Variants in SYNE2 observed in about 807,000 individuals in gnomAD.
SYNE2 encodes the protein nesprin-2.
SYNE2 carries 431 observed loss-of-function variants against 856.3 expected under a neutral mutation model. That is an observed-to-expected ratio of 0.50 (90% CI 0.47 to 0.55). The LOEUF is 0.55. Among genes scored for constraint, SYNE2 ranks in the 20% least tolerant of loss-of-function variants. The pLI is 0.00. For missense variants in SYNE2, 8,129 were observed against 8,023.2 expected, an observed-to-expected ratio of 1.01 and a Z score of -0.50; for synonymous variants, 2,923 against 2,872.3, an observed-to-expected ratio of 1.02 and a Z score of -0.56.
intron 108 of SYNE2, among the ~76,000 whole-genome samples, chr14:64,217,224 G>A (rs752666794): frequency 4.6e-5 from 7 of 152,208 alleles, no homozygotes; most frequent in Non-Finnish European, 8.8e-5. Flanking sequence ...TAAGATTATT[G>A]TGTATAAAGG....
In SYNE2 at chr14:64,052,786, A is replaced by T. The variant is rs201443135; in HGVS notation, c.8873A>T (p.Glu2958Val). Residue 2958 changes from glutamate (E) to valine (V), a missense_variant, in exon 48 of 116, where the codon GAG becomes GTG. Physicochemically the swap from Glu to Val is moderately radical, Grantham distance 121 (BLOSUM62 -2). This residue lies in a region of SYNE2 where 5,410 missense variants were observed against 5,284.8 expected (regional missense o/e 1.02). Transcript: ENST00000555002. ...GAAAAAACATCAGCGCTTCAGGAGGAGGCTGACAGTATACAGCGCAATGAA... is the reference window on the plus strand; with the variant it reads ...GAAAAAACATCAGCGCTTCAGGAGGTGGCTGACAGTATACAGCGCAATGAA... ...FHEKTSALQEEADSIQRNELL... is the reference protein window; with the variant it reads ...FHEKTSALQEVADSIQRNELL... 3 of 1,612,408 alleles carry T rather than the reference A, an allele frequency of 1.9e-6. No individual in the cohort carries two copies. Among genetic ancestry groups the T allele is most frequent in the Non-Finnish European group, 2.5e-6 (3 of 1,179,318 alleles).
chr14:64,140,209 TCTTCAAAC>T, intron 80 of SYNE2, 136 bp downstream of exon 80: 1 of 798,218 alleles, frequency 1.3e-6, no homozygotes, highest in Non-Finnish European at 2.1e-6. Context: ...GCAGCTGTGT[TCTTCAAAC>T]CTAGAACTGT....
At chr14:63,862,791 T>TG (rs1254086892) in intron 1 of SYNE2, among the ~76,000 whole-genome samples, 2 of 151,910 alleles carry the variant, frequency 1.3e-5, no homozygotes, top group African/African-American at 4.8e-5. Flanking sequence ...AGTTTTGTTT[T>TG]TTTTTTGTTT....
chr14:64,136,319 G>A (rs965823867), intron 78 of SYNE2, among the ~76,000 whole-genome samples: 1 of 151,398 alleles, frequency 6.6e-6, no homozygotes, highest in Non-Finnish European at 1.5e-5. Context: ...AAAAATTGGG[G>A]GGTGAATTAA....
At chr14:64,186,887 C>T (rs2098494221) in intron 97 of SYNE2, among the ~76,000 whole-genome samples, 2 of 152,128 alleles carry the variant, frequency 1.3e-5, no homozygotes, top group Admixed American at 6.6e-5. Flanking sequence ...GTGTAGGTGG[C>T]AAGTCCTAAT....
chr14:64,080,463 G>A lies in SYNE2; in HGVS notation c.11171G>A (p.Trp3724Ter). Residue 3724 changes from tryptophan to a stop codon, truncating the protein, a stop_gained, in exon 56 of 116, where the codon TGG becomes TAG. Coordinates refer to ENST00000555002, the MANE Select transcript of SYNE2 (RefSeq NM_182914.3). LOFTEE classifies it high-confidence loss of function. Reference sequence around the variant, plus strand: ...TACGATTTCCTTCTCCAGAAAATGTGGGACGAGTTAGATCTATGGCATTCC... The same window carrying A: ...TACGATTTCCTTCTCCAGAAAATGTAGGACGAGTTAGATCTATGGCATTCC... ...EKAQEIQKKM[W>*]DELDLWHSKL... 1 of 1,614,126 alleles carries A rather than the reference G, an allele frequency of 6.2e-7. No homozygotes were observed. The highest frequency in any genetic ancestry group is 1.3e-5 in the African/African-American group (1 of 75,032).
intron 30 of SYNE2, among the ~76,000 whole-genome samples, chr14:64,004,831 C>T (rs947266776): frequency 6.6e-6 from 1 of 152,184 alleles, no homozygotes; most frequent in Non-Finnish European, 1.5e-5. Context: ...CATGCGATTG[C>T]ACCACTGCCC....
chr14:63,966,864 G>A (rs2096400123), intron 10 of SYNE2, among the ~76,000 whole-genome samples: 1 of 151,534 alleles, frequency 6.6e-6, no homozygotes, highest in South Asian at 2.1e-4. Context: ...CTGGCCAGTT[G>A]ATAACTCTTT....
intron 45 of SYNE2, among the ~76,000 whole-genome samples, chr14:64,037,913 G>T (rs146142869): frequency 0.077 from 11,637 of 150,888 alleles, 581 homozygotes; most frequent in African/African-American, 0.14. Flanking sequence ...CCTCCCTCCC[G>T]GACCGGGCGG....
intron 30 of SYNE2, among the ~76,000 whole-genome samples, chr14:64,004,324 G>GTTGTTTTTTGTTTGT (rs1295106354): frequency 6.6e-6 from 1 of 151,156 alleles, no homozygotes; most frequent in Non-Finnish European, 1.5e-5. Context: ...GTGAGCCACC[G>GTTGTTTTTTGTTTGT]TTGTTTTTTT....
intron 1 of SYNE2, among the ~76,000 whole-genome samples, chr14:63,900,756 A>G (rs768408862): frequency 3.3e-5 from 5 of 152,200 alleles, no homozygotes; most frequent in Non-Finnish European, 5.9e-5. Context: ...CTTCTAGTCA[A>G]ATGATGATTA....
chr14:63,813,932 G>A (rs1888719623), intron 1 of SYNE2, among the ~76,000 whole-genome samples: 2 of 151,992 alleles, frequency 1.3e-5, no homozygotes, highest in African/African-American at 4.8e-5. Context: ...GCACGTACCT[G>A]TAGTAGTCCC....
chr14:63,854,747 A>T (rs1371603013), intron 1 of SYNE2, among the ~76,000 whole-genome samples: 1 of 152,210 alleles, frequency 6.6e-6, no homozygotes, highest in African/African-American at 2.4e-5. Flanking sequence ...CTAATTAGAA[A>T]TTTTTTAGCA....
intron 61 of SYNE2, 39 bp downstream of exon 61, chr14:64,093,519 C>G (rs527500906): frequency 6.2e-7 from 1 of 1,612,948 alleles, no homozygotes; most frequent in Admixed American, 1.7e-5. Context: ...TTTCATTTGT[C>G]CATCAGTGCA....
At chr14:63,959,175 G>C (rs1255880) in intron 8 of SYNE2, among the ~76,000 whole-genome samples, 103,720 of 151,688 alleles carry the variant, frequency 0.68, 35,742 homozygotes, top group Admixed American at 0.77. Context: ...AGCCTCTTTG[G>C]ACTTCAGGTT....
chr14:63,796,178 T>C (rs1261072902), intron 1 of SYNE2, among the ~76,000 whole-genome samples: 4 of 152,198 alleles, frequency 2.6e-5, no homozygotes. Flanking sequence ...TGATGATATT[T>C]GGCCAGGCAC....
intron 99 of SYNE2, among the ~76,000 whole-genome samples, chr14:64,200,119 G>A (rs1332389192): frequency 6.6e-6 from 1 of 152,180 alleles, no homozygotes; most frequent in Non-Finnish European, 1.5e-5. Flanking sequence ...TTCTTCCGGT[G>A]TGTTAATTGC....
chr14:63,940,644 T>A lies in SYNE2; in HGVS notation c.110T>A (p.Phe37Tyr). The A allele has an allele frequency of 1.9e-6, 3 of 1,614,146 alleles. No individual in the cohort carries two copies. The highest frequency in any genetic ancestry group is 2.5e-6 in the Non-Finnish European group (3 of 1,180,000). The change falls in exon 3 of 116, where the codon TTC (phenylalanine) becomes TAC (tyrosine). Residue 37 changes from phenylalanine (F) to tyrosine (Y), a missense_variant. Physicochemically the swap from Phe to Tyr is conservative, Grantham distance 22. This residue lies in a region of SYNE2 where 2,422 missense variants were observed against 2,357.4 expected (regional missense o/e 1.03). Transcript: ENST00000555002. The part of the protein sequence containing the change: ...AEQEDTQKKA[F>Y]TCWINSQLAR... ...CAGGAAGACACCCAGAAGAAAGCCT[T>A]CACGTGCTGGATAAACTCACAGTTG...
chr14:63,827,391 G>A (rs1349742566), intron 1 of SYNE2, among the ~76,000 whole-genome samples: 2 of 151,846 alleles, frequency 1.3e-5, no homozygotes, highest in East Asian at 1.9e-4. Context: ...TTGGGAGACC[G>A]AGGCAGGTGG....
Sources: gnomAD v4.1 joint callset for allele counts (sites outside exome capture counted in the v4.1 genomes callset) on GRCh38, gnomAD v4.1.1 for gene constraint, gnomAD v4.1.1 regional missense constraint, MANE v1.5 for transcripts, NCBI Gene and HGNC (gene_info 2026-07-23, HGNC 2026-07-21) for gene names.